CTDSPL2: variants seen among roughly 807,000 people sequenced by gnomAD.
The protein encoded by CTDSPL2 is CTD small phosphatase like 2, also known as CTD small phosphatase-like protein 2.
A neutral mutation model predicts 60.0 loss-of-function variants in CTDSPL2; 5 were observed. That is an observed-to-expected ratio of 0.08 (90% CI 0.04 to 0.18). The LOEUF is 0.18. CTDSPL2 is among the 10% of genes least tolerant of loss of function. The probability of loss-of-function intolerance (pLI) is 1.00; values close to 1 mark genes in which losing one functional copy is unlikely to be tolerated. For missense variants in CTDSPL2, 370 were observed against 548.8 expected, an observed-to-expected ratio of 0.67 and a Z score of 3.26; for synonymous variants, 186 against 189.3, an observed-to-expected ratio of 0.98 and a Z score of 0.14.
intron 2 of CTDSPL2, among the ~76,000 whole-genome samples, chr15:44,474,680 A>G (rs1405914681): frequency 6.6e-6 from 1 of 151,672 alleles, no homozygotes; most frequent in Non-Finnish European, 1.5e-5. Context: ...ACATAGTGAA[A>G]CTCCATCTCT....
chr15:44,463,297 A>T (rs1025215360), intron 2 of CTDSPL2, among the ~76,000 whole-genome samples: 1 of 151,696 alleles, frequency 6.6e-6, no homozygotes, highest in African/African-American at 2.4e-5. Context: ...GCCTGCCACC[A>T]TACCTGGCTG....
chr15:44,477,459 T>C (rs1384439813), intron 2 of CTDSPL2, among the ~76,000 whole-genome samples: 1 of 151,754 alleles, frequency 6.6e-6, no homozygotes, highest in Non-Finnish European at 1.5e-5. Context: ...GACTTGAGCC[T>C]GGGAGGTCAG....
chr15:44,513,407 C>T (rs1567103018), intron 8 of CTDSPL2, among the ~76,000 whole-genome samples: 1 of 152,192 alleles, frequency 6.6e-6, no homozygotes, highest in Non-Finnish European at 1.5e-5. Context: ...GCGGAGGTTG[C>T]AGTGAGCCAA....
At chr15:44,443,763 T>G (rs2080141715) in intron 1 of CTDSPL2, among the ~76,000 whole-genome samples, 1 of 152,196 alleles carries the variant, frequency 6.6e-6, no homozygotes, top group African/African-American at 2.4e-5. Flanking sequence ...TGAATCTGGT[T>G]GTTTTTTTCT....
chr15:44,488,629 A>G (rs1469929470), intron 4 of CTDSPL2, among the ~76,000 whole-genome samples: 1 of 152,132 alleles, frequency 6.6e-6, no homozygotes, highest in Non-Finnish European at 1.5e-5. Flanking sequence ...CCTGACCAAC[A>G]TGGAGAAACC....
At chr15:44,448,218 G>T in intron 1 of CTDSPL2, 1 of 295,920 alleles carries the variant, frequency 3.4e-6, no homozygotes, top group Admixed American at 3.9e-5. Context: ...AGCCCATGCC[G>T]GCACCCATGT....
At chr15:44,455,023 G>T (rs765152433) in intron 1 of CTDSPL2, among the ~76,000 whole-genome samples, 4 of 152,148 alleles carry the variant, frequency 2.6e-5, no homozygotes, top group Non-Finnish European at 4.4e-5. Flanking sequence ...TGGGCAGTAT[G>T]GCCATTTTCA....
intron 7 of CTDSPL2, among the ~76,000 whole-genome samples, chr15:44,498,257 T>C (rs967752670): frequency 6.6e-6 from 1 of 152,216 alleles, no homozygotes; most frequent in East Asian, 1.9e-4. Context: ...AAGCATTTGT[T>C]ACTGGAACCC....
At position 44,528,821 on chromosome 15, in the gene CTDSPL2, A is replaced by G. The variant is rs1381665372; in HGVS notation, c.*4647A>G. ...TTTTTCAAGGCAGTGTCCTTTTGGC[A>G]TTAAGGTAGGGGGGAGTTAATATTC... On this transcript the variant is annotated 3_prime_UTR_variant, in exon 13 of 13. Transcript: ENST00000260327. The G allele has an allele frequency of 6.6e-6, 1 of 152,166 alleles. No individual in the cohort carries two copies. The highest frequency in any genetic ancestry group is 1.5e-5 in the Non-Finnish European group (1 of 68,024). 9.4% of individuals were successfully genotyped at this position (152,166 alleles called of 1,614,324 possible). A position where few individuals can be genotyped will look rare whatever the true frequency, so the allele number is the denominator to read the frequency against.
chr15:44,473,893 T>C (rs546892197), intron 2 of CTDSPL2, among the ~76,000 whole-genome samples: 317 of 152,318 alleles, frequency 2.1e-3, no homozygotes, highest in Non-Finnish European at 3.8e-3. Flanking sequence ...GAGTATCTTA[T>C]TGTTTTTAAC....
chr15:44,472,014 G>C (rs1191760545), intron 2 of CTDSPL2, among the ~76,000 whole-genome samples: 2 of 151,014 alleles, frequency 1.3e-5, no homozygotes, highest in African/African-American at 4.9e-5. Context: ...CCATGTTGTG[G>C]CATATATTAT....
intron 2 of CTDSPL2, among the ~76,000 whole-genome samples, chr15:44,459,683 A>G (rs1442469307): frequency 6.6e-6 from 1 of 152,220 alleles, no homozygotes; most frequent in Non-Finnish European, 1.5e-5. Flanking sequence ...ATTCCACTGA[A>G]CTAATCCACG....
At chr15:44,488,209 A>G (rs898270414) in intron 4 of CTDSPL2, among the ~76,000 whole-genome samples, 2 of 152,154 alleles carry the variant, frequency 1.3e-5, no homozygotes, top group African/African-American at 2.4e-5. Flanking sequence ...GATCAGATCT[A>G]TGTTTTATAA....
At chr15:44,428,137 C>G (rs959182242) in intron 1 of CTDSPL2, 2 of 154,522 alleles carry the variant, frequency 1.3e-5, no homozygotes, top group Admixed American at 1.3e-4. Context: ...CCTTTTTGGC[C>G]CACCTCATGT....
chr15:44,466,318 T>C (rs1382014816), intron 2 of CTDSPL2, among the ~76,000 whole-genome samples: 5 of 152,340 alleles, frequency 3.3e-5, no homozygotes, highest in East Asian at 1.9e-4. Context: ...CCTGGCCTTA[T>C]TAAGTTTCTT....
At chr15:44,474,387 A>C (rs1339220231) in intron 2 of CTDSPL2, among the ~76,000 whole-genome samples, 1 of 152,154 alleles carries the variant, frequency 6.6e-6, no homozygotes, top group Non-Finnish European at 1.5e-5. Context: ...GCTACTCAGG[A>C]GGCTGAGGCG....
chr15:44,484,266 G>C lies in CTDSPL2; in HGVS notation c.229G>C (p.Asp77His), dbSNP rs753052510. The change falls in exon 3 of 13, where the codon GAT becomes CAT. Residue 77 changes from aspartate to histidine, a missense_variant. Physicochemically the swap from Asp to His is moderately conservative, Grantham distance 81 (BLOSUM62 -1). Coordinates refer to ENST00000260327, the MANE Select transcript of CTDSPL2 (RefSeq NM_016396.3). ...NPSKRSRIER[D>H]IDNNLITSTP... ...TTCAAAACGGAGTAGAATTGAACGT[G>C]ATATAGATAACAATTTGATCACGTC... The C allele has an allele frequency of 3.0e-5, 48 of 1,612,538 alleles. No individual in the cohort carries two copies. The highest frequency in any genetic ancestry group is 3.7e-5 in the Non-Finnish European group (44 of 1,178,946).
At chr15:44,520,763 A>G (rs1364261891) in intron 11 of CTDSPL2, 3 of 152,208 alleles carry the variant, frequency 2.0e-5, no homozygotes, top group Non-Finnish European at 2.9e-5. Flanking sequence ...TCACCATAAA[A>G]TAAATATGGC....
chr15:44,461,599 A>G (rs2080573097), intron 2 of CTDSPL2, among the ~76,000 whole-genome samples: 1 of 139,784 alleles, frequency 7.2e-6, no homozygotes, highest in Admixed American at 7.1e-5. Flanking sequence ...TTTTTTTTTA[A>G]AGAGATGAGG....
Sources: gnomAD v4.1 joint callset for allele counts (sites outside exome capture counted in the v4.1 genomes callset) on GRCh38, gnomAD v4.1.1 for gene constraint, MANE v1.5 for transcripts, NCBI Gene and HGNC (gene_info 2026-07-23, HGNC 2026-07-21) for gene names.